Variants in UBR2 observed in about 807,000 individuals in gnomAD.
The protein encoded by UBR2 is E3 ubiquitin-protein ligase UBR2.
A neutral mutation model predicts 247.9 loss-of-function variants in UBR2; 92 were observed. The ratio of observed to expected loss-of-function variants is 0.37; its 90% CI spans 0.31 to 0.44. The LOEUF (loss-of-function observed/expected upper bound fraction) is 0.44. UBR2 is among the 20% of genes least tolerant of loss of function. The pLI is 1.00. For missense variants in UBR2, 1,613 were observed against 2,112.6 expected (o/e 0.76, Z 4.64); for synonymous variants, 672 against 693.5 (o/e 0.97, Z 0.49).
chr6:42,676,979 C>T, intron 40 of UBR2, 106 bp downstream of exon 40: 1 of 930,652 alleles, frequency 1.1e-6, no homozygotes, highest in Non-Finnish European at 1.7e-6. Context: ...TGTCTGTTGA[C>T]ATGTTTTTAA....
chr6:42,636,171 T>G (rs944256394), intron 14 of UBR2, among the ~76,000 whole-genome samples: 4 of 89,718 alleles, frequency 4.5e-5, no homozygotes, highest in Non-Finnish European at 6.6e-5. Context: ...GCCATGGTTG[T>G]TTTTTTTTTT....
intron 25 of UBR2, among the ~76,000 whole-genome samples, chr6:42,653,161 T>G (rs1159751321): frequency 6.6e-6 from 1 of 152,210 alleles, no homozygotes; most frequent in Non-Finnish European, 1.5e-5. Flanking sequence ...CTTGGCTCAC[T>G]GCAACCTCTG....
At chr6:42,644,382 T>C (rs1796626745) in intron 19 of UBR2, 46 bp downstream of exon 19, 5 of 1,604,480 alleles carry the variant, frequency 3.1e-6, no homozygotes, top group Non-Finnish European at 4.3e-6. Flanking sequence ...TAAAGAAGCA[T>C]CTTTCCTTCT....
chr6:42,589,013 TAG>T (rs1263552758), intron 2 of UBR2, among the ~76,000 whole-genome samples: 1 of 152,202 alleles, frequency 6.6e-6, no homozygotes, highest in East Asian at 1.9e-4. Context: ...CTTCCAAAGA[TAG>T]AGTTATCCAG....
intron 2 of UBR2, among the ~76,000 whole-genome samples, chr6:42,580,231 A>G (rs909043314): frequency 2.0e-5 from 3 of 152,176 alleles, no homozygotes; most frequent in African/African-American, 7.2e-5. Flanking sequence ...TGCAGTAAAT[A>G]TCTTCTAGAT....
Position 42,619,439 on chromosome 6 carries a change from A to ATTTTTTTT in UBR2, c.1281+1933_1281+1934insTTTTTTTT, listed in dbSNP as rs1562318106. 3 of 22,854 alleles carry ATTTTTTTT rather than the reference A, an allele frequency of 1.3e-4. 1 individual carries two copies. The highest frequency in any genetic ancestry group is 2.6e-4 in the Non-Finnish European group (3 of 11,496). The allele number at this position is 22,854 out of a possible 1,614,324, so 1.4% of individuals were successfully genotyped here. ...TATATATATATATATATATATATAT[A>ATTTTTTTT]TATATATATATATATTTTTTTTTTT... On this transcript the variant is annotated intron_variant, in intron 11 of 46. Coordinates refer to ENST00000372901, the MANE Select transcript of UBR2 (RefSeq NM_001363705.2).
intron 9 of UBR2, 124 bp from the exon 10 acceptor site, chr6:42,615,878 C>A: frequency 1.5e-6 from 1 of 682,170 alleles, no homozygotes; most frequent in Non-Finnish European, 2.3e-6. Flanking sequence ...GGCAACACAG[C>A]AAGACACTGT....
chr6:42,578,859 A>G (rs1381937867), intron 2 of UBR2, among the ~76,000 whole-genome samples: 1 of 152,090 alleles, frequency 6.6e-6, no homozygotes, highest in Non-Finnish European at 1.5e-5. Context: ...GCTACTCAGG[A>G]GGCTGAGGCA....
At position 42,649,344 on chromosome 6, in the gene UBR2, A is replaced by G. The variant is rs536773168; in HGVS notation, c.2463-940A>G. On this transcript the variant is annotated intron_variant, in intron 22 of 46. Transcript: ENST00000372901. ...TCCTTGTAGTCATGTACTGTAATGT[A>G]TCTAACCTCTTCCCTATAATACATA... is the stretch of plus-strand genomic sequence containing the variant. Among the ~76,000 whole-genome samples, 3 of 152,308 alleles carry G rather than the reference A, an allele frequency of 2.0e-5. No individual in the cohort carries two copies. The East Asian group carries it at 5.8e-4, about 29-fold the overall frequency.
chr6:42,647,417 T>TAAAAAA (rs750938791), intron 21 of UBR2, among the ~76,000 whole-genome samples: 6 of 102,174 alleles, frequency 5.9e-5, no homozygotes, highest in Non-Finnish European at 8.0e-5. Flanking sequence ...CCATCGCTAC[T>TAAAAAA]AAAAAAAAAA....
intron 15 of UBR2, among the ~76,000 whole-genome samples, chr6:42,638,743 C>A (rs1162988200): frequency 6.7e-6 from 1 of 150,284 alleles, no homozygotes; most frequent in East Asian, 1.9e-4. Context: ...ATGCCCTGCA[C>A]GTGCCCTTAA....
At chr6:42,639,173 C>A (rs1332693161) in intron 15 of UBR2, among the ~76,000 whole-genome samples, 1 of 152,150 alleles carries the variant, frequency 6.6e-6, no homozygotes, top group Non-Finnish European at 1.5e-5. Flanking sequence ...ATTAGAATGG[C>A]ATTAGTAGTG....
At chr6:42,681,871 G>T (rs151249378) in intron 42 of UBR2, among the ~76,000 whole-genome samples, 176 of 152,340 alleles carry the variant, frequency 1.2e-3, no homozygotes, top group Non-Finnish European at 1.6e-3. Flanking sequence ...ATGAATGGAT[G>T]CACAAAATGT....
intron 7 of UBR2, among the ~76,000 whole-genome samples, chr6:42,608,809 A>G (rs1274046787): frequency 6.6e-6 from 1 of 151,778 alleles, no homozygotes; most frequent in African/African-American, 2.4e-5. Flanking sequence ...TTTCTGTTGG[A>G]TTGTCTTTTT....
chr6:42,685,839 T>G (rs1799352751), intron 44 of UBR2, among the ~76,000 whole-genome samples: 1 of 151,738 alleles, frequency 6.6e-6, no homozygotes, highest in South Asian at 2.1e-4. Flanking sequence ...ATCGTGCCAC[T>G]GCACTCTAGC....
chr6:42,614,368 GTA>G (rs1183955593), intron 8 of UBR2, among the ~76,000 whole-genome samples: 1 of 15,234 alleles, frequency 6.6e-5, no homozygotes, highest in East Asian at 2.7e-3. Context: ...ATATATGTGT[GTA>G]TGTGTGTATA....
In UBR2 at chr6:42,644,512, C is replaced by G; in HGVS notation, c.2260C>G (p.Leu754Val). 6.2e-7 allele frequency: 1 copy of G among 1,611,036 alleles called. No individual in the cohort carries two copies. Among genetic ancestry groups the G allele is most frequent in the Non-Finnish European group, 8.5e-7 (1 of 1,179,126 alleles). The change falls in exon 20 of 47, where the codon CTA (leucine) becomes GTA (valine). Residue 754 changes from leucine (L) to valine (V), a missense_variant. Around this residue, in one of 3 missense-constraint regions of UBR2, gnomAD observed 1,524 missense variants for 1,967.3 expected, o/e 0.77. Transcript: ENST00000372901. Reference protein sequence around the residue: ...QQNNTLIEEMLYLIIMLVGER... With the variant: ...QQNNTLIEEMVYLIIMLVGER... ...GAACAATACTCTAATAGAAGAAATG[C>G]TATACCTCATTATAATGCTTGTTGG...
chr6:42,691,218 G>A lies in UBR2; in HGVS notation c.*45G>A. On this transcript the variant is annotated 3_prime_UTR_variant, in exon 47 of 47. Coordinates refer to ENST00000372901, the MANE Select transcript of UBR2 (RefSeq NM_001363705.2). ...CACAAACTTGGATTTTTTTAACCCA[G>A]TTGGCTTTTTAAGAAAGAAAGAAGT... The A allele has an allele frequency of 6.3e-7, 1 of 1,590,612 alleles. No individual in the cohort carries two copies. The highest frequency in any genetic ancestry group is 8.5e-7 in the Non-Finnish European group (1 of 1,174,576).
In UBR2 at chr6:42,566,958, C is replaced by CT. The variant is rs1790815587; in HGVS notation, c.78+2562dup. Among the ~76,000 whole-genome samples, 6 of 152,304 alleles carry CT rather than the reference C, an allele frequency of 3.9e-5. No individual in the cohort carries two copies. In the South Asian group the frequency reaches 1.2e-3, roughly 32 times the overall value. On this transcript the variant is annotated intron_variant, in intron 1 of 46. Coordinates refer to ENST00000372901, the MANE Select transcript of UBR2 (RefSeq NM_001363705.2). ...AAGTTAAAACACCTAACATTTAAAA[C>CT]TGTTTTTTTCAGCTTAGGCTTCAGC...
Sources: gnomAD v4.1 joint callset for allele counts (sites outside exome capture counted in the v4.1 genomes callset) on GRCh38, gnomAD v4.1.1 for gene constraint, gnomAD v4.1.1 regional missense constraint, MANE v1.5 for transcripts, NCBI Gene and HGNC (gene_info 2026-07-23, HGNC 2026-07-21) for gene names.